The following STAT6 variants were observed in gnomAD, a reference collection of about 807,000 sequenced individuals.
STAT6 encodes the protein STAT, interleukin4-induced.
A neutral mutation model predicts 106.3 loss-of-function variants in STAT6; 45 were observed. The observed-to-expected ratio is 0.42, with a 90% CI of 0.33 to 0.54. The LOEUF (loss-of-function observed/expected upper bound fraction) is 0.54, where lower values mean the gene tolerates loss of function less well. Ranked by LOEUF, STAT6 falls within the 20% of genes least tolerant of loss-of-function variation. STAT6 has a pLI of 0.06. For missense variants in STAT6, 797 were observed against 1,062.2 expected, an observed-to-expected ratio of 0.75 and a Z score of 3.47; for synonymous variants, 413 against 413.6, an observed-to-expected ratio of 1.00 and a Z score of 0.02.
intron 7 of STAT6, 42 bp downstream of exon 7, chr12:57,106,149 A>AC: frequency 6.2e-7 from 1 of 1,609,972 alleles, no homozygotes; most frequent in African/African-American, 1.3e-5. Flanking sequence ...TCAGCTGCCC[A>AC]CCCCCAGCTT....
At chr12:57,102,644 G>A in intron 12 of STAT6, 148 bp from the exon 13 acceptor site, 1 of 998,960 alleles carries the variant, frequency 1.0e-6, no homozygotes, top group Non-Finnish European at 1.5e-6. Flanking sequence ...AGGTTACAGT[G>A]CTGTGGCCTG....
chr12:57,108,402 C>T (rs1307116066), intron 1 of STAT6, 103 bp from the exon 2 acceptor site: 4 of 651,286 alleles, frequency 6.1e-6, no homozygotes, highest in Non-Finnish European at 1.1e-5. Context: ...TAGGGACCGT[C>T]CCCACCACCA....
rs1258964591 is a variant in STAT6, at chr12:57,096,849, C to A, written c.2354+1G>T. ...GCCTCCACTCCCAAGCTGCCACTCACCAAGTGCCCTGAGGAAACGCTGTCA... is the reference window on the plus strand; with the variant it reads ...GCCTCCACTCCCAAGCTGCCACTCAACAAGTGCCCTGAGGAAACGCTGTCA... On this transcript the variant is annotated splice_donor_variant, in intron 21 of 21. Coordinates refer to ENST00000300134, the MANE Select transcript of STAT6 (RefSeq NM_003153.5). LOFTEE classifies it high-confidence loss of function. 1 of 1,614,170 alleles carries A rather than the reference C, an allele frequency of 6.2e-7. No individual in the cohort carries two copies. The highest frequency in any genetic ancestry group is 1.1e-5 in the South Asian group (1 of 91,086).
In STAT6 at chr12:57,099,595, C is replaced by T. The variant is rs1290785292; in HGVS notation, c.1745-155G>A. On this transcript the variant is annotated intron_variant, in intron 15 of 21. Coordinates refer to ENST00000300134, the MANE Select transcript of STAT6 (RefSeq NM_003153.5). The surrounding 1 kb of genome is among the most constrained non-coding windows in gnomAD (Gnocchi z 4.7). ...AGAGAGACCCACTAGTCTCCGTTCC[C>T]ACAGAGCTCACAGTGAGAAGGTGAA... Among the ~76,000 whole-genome samples the T allele has an allele frequency of 6.6e-6, 1 of 152,170 alleles. No individual in the cohort carries two copies. The highest frequency in any genetic ancestry group is 1.9e-4 in the East Asian group (1 of 5,194).
Position 57,099,196 on chromosome 12 carries a change from T to A in STAT6, c.1891+98A>T. On this transcript the variant is annotated intron_variant, in intron 16 of 21. Transcript: ENST00000300134. This position sits in a 1 kb window ranked among gnomAD's most constrained non-coding sequence, Gnocchi z 4.7. ...AGAAGCACAGCTATGAAATAGGGAG[T>A]GACATCAGGATGACACGCGGGCAGG... 1.3e-6 allele frequency: 2 copies of A among 1,594,708 alleles called. No homozygotes were observed. The highest frequency in any genetic ancestry group is 1.7e-6 in the Non-Finnish European group (2 of 1,164,654).
intron 7 of STAT6, 157 bp downstream of exon 7, chr12:57,106,034 C>T (rs535422649): frequency 1.7e-5 from 22 of 1,291,392 alleles, no homozygotes; most frequent in Admixed American, 1.0e-4. Flanking sequence ...GCGACCTGAA[C>T]GACAGTGTGC....
intron 1 of STAT6, among the ~76,000 whole-genome samples, chr12:57,109,043 A>G (rs2034440902): frequency 6.6e-6 from 1 of 152,094 alleles, no homozygotes; most frequent in African/African-American, 2.4e-5. Flanking sequence ...CTAAAAATAC[A>G]AAAACAAAAT....
chr12:57,101,386 C>CTT (rs60908631), intron 13 of STAT6, among the ~76,000 whole-genome samples: 6 of 120,786 alleles, frequency 5.0e-5, no homozygotes, highest in Admixed American at 8.6e-5. Context: ...CACACCTAGC[C>CTT]TTTTTTTTTT....
intron 19 of STAT6, 22 bp downstream of exon 19, chr12:57,098,482 TC>T: frequency 6.2e-7 from 1 of 1,608,526 alleles, no homozygotes; most frequent in South Asian, 1.1e-5. Flanking sequence ...TGGGATGGTA[TC>T]CCCATGAGGT....
At position 57,099,241 on chromosome 12, in the gene STAT6, G is replaced by A; in HGVS notation, c.1891+53C>T. On this transcript the variant is annotated intron_variant, in intron 16 of 21. Transcript: ENST00000300134. This position sits in a 1 kb window ranked among gnomAD's most constrained non-coding sequence, Gnocchi z 4.7. ...GGCAGGGAGAGGAGGGCAGCGGGGA[G>A]CAGGGAGGAAGTGGGTGACAGGAAG... 2 of 1,611,394 alleles carry A rather than the reference G, an allele frequency of 1.2e-6. No homozygotes were observed. The highest frequency in any genetic ancestry group is 1.7e-6 in the Non-Finnish European group (2 of 1,177,948).
At chr12:57,108,883 G>A (rs1490438081) in intron 1 of STAT6, among the ~76,000 whole-genome samples, 5 of 152,130 alleles carry the variant, frequency 3.3e-5, no homozygotes, top group African/African-American at 4.8e-5. Context: ...AAAATTCTAG[G>A]ACTCCATGAG....
chr12:57,099,119 G>T lies in STAT6; in HGVS notation c.1892-41C>A, dbSNP rs1346391943. 14 of 1,612,682 alleles carry T rather than the reference G, an allele frequency of 8.7e-6. No homozygotes were observed. The highest frequency in any genetic ancestry group is 1.2e-5 in the Non-Finnish European group (14 of 1,179,232). ...AAAGACAGCCATGGAGTGCTCTGGG[G>T]TTAGGGAGGAAGGGAGGTGGAAAAG... On this transcript the variant is annotated intron_variant, in intron 16 of 21. Coordinates refer to ENST00000300134, the MANE Select transcript of STAT6 (RefSeq NM_003153.5). This position sits in a 1 kb window ranked among gnomAD's most constrained non-coding sequence, Gnocchi z 4.7.
In STAT6 at chr12:57,102,507, G is replaced by C; in HGVS notation, c.1306-11C>G. On this transcript the variant is annotated splice_polypyrimidine_tract_variant and intron_variant, in intron 12 of 21. Transcript: ENST00000300134. ...AAAGGGCACGCGGTCCTGGGGAGAA[G>C]GGGGAAGAAGAGAGCACTGCAGGCT... 1 of 1,612,664 alleles carries C rather than the reference G, an allele frequency of 6.2e-7. No individual in the cohort carries two copies. The highest frequency in any genetic ancestry group is 1.3e-5 in the African/African-American group (1 of 74,992).
chr12:57,097,418 T>C, intron 19 of STAT6: 1 of 297,464 alleles, frequency 3.4e-6, no homozygotes, highest in Non-Finnish European at 6.2e-6. Context: ...AAGGGAGATG[T>C]TGTGTCTTGA....
Position 57,107,218 on chromosome 12 carries a change from A to G in STAT6, c.339+13T>C. On this transcript the variant is annotated intron_variant, in intron 4 of 21. Coordinates refer to ENST00000300134, the MANE Select transcript of STAT6 (RefSeq NM_003153.5). ...GGGATTGAGTTGGGGTGGGAGGTGG[A>G]ATATCACAATACCTGTTCCATAACA... 6.2e-7 allele frequency: 1 copy of G among 1,612,798 alleles called. No individual in the cohort carries two copies.
In STAT6 at chr12:57,108,605, G is replaced by C. The variant is rs77810451; in HGVS notation, c.-21-306C>G. 1.1e-4 allele frequency among the ~76,000 whole-genome samples: 17 copies of C among 152,316 alleles called. No individual in the cohort carries two copies. The East Asian group carries it at 2.7e-3, about 24-fold the overall frequency. On this transcript the variant is annotated intron_variant, in intron 1 of 21. Transcript: ENST00000300134. ...AGGATTTAGTTGCAGCTCTAGACCT[G>C]GCTCTGGTTCTGTGGGCAAAGAGCC...
Position 57,104,517 on chromosome 12 carries a change from G to A in STAT6, c.1159C>T (p.Leu387Phe). Reference sequence around the variant, plus strand: ...CCAAGTGTGAAGCTGGCAGAGAAGAGCACAGCGCACTTCTCCTCTGTGACA... The same window carrying A: ...CCAAGTGTGAAGCTGGCAGAGAAGAACACAGCGCACTTCTCCTCTGTGACA... ...ESVTEEKCAV[L>F]FSASFTLGPG... Residue 387 changes from leucine to phenylalanine, a missense_variant, in exon 11 of 22, where the codon CTC becomes TTC. Coordinates refer to ENST00000300134, the MANE Select transcript of STAT6 (RefSeq NM_003153.5). 1 of 1,613,506 alleles carries A rather than the reference G, an allele frequency of 6.2e-7. No homozygotes were observed. Among genetic ancestry groups the A allele is most frequent in the Non-Finnish European group, 8.5e-7 (1 of 1,179,824 alleles).
chr12:57,097,202 C>T (rs1374287654), intron 19 of STAT6, 69 bp from the exon 20 acceptor site: 2 of 1,318,378 alleles, frequency 1.5e-6, no homozygotes, highest in Non-Finnish European at 2.0e-6. Context: ...AAAGTCAGGA[C>T]CACTGAGTGA....
chr12:57,107,304 T>C lies in STAT6; in HGVS notation c.266A>G (p.Gln89Arg), dbSNP rs1483954081. The C allele has an allele frequency of 6.2e-7, 1 of 1,614,168 alleles. No individual in the cohort carries two copies. The stretch of plus-strand genomic sequence containing the variant: ...GGCCACCAGCTTCAGGGGGTCCCTC[T>C]GATATATGCTCTACAGAAATGAGGG... ...QHISTLESIY[Q>R]RDPLKLVATF... Residue 89 changes from glutamine to arginine, a missense_variant, in exon 4 of 22, where the codon CAG (glutamine) becomes CGG (arginine). Physicochemically the swap from Gln to Arg is conservative, Grantham distance 43 (BLOSUM62 1). This residue lies in a region of STAT6 where 336 missense variants were observed against 429.8 expected (regional missense o/e 0.78). Coordinates refer to ENST00000300134, the MANE Select transcript of STAT6 (RefSeq NM_003153.5).
Sources: allele counts gnomAD v4.1 joint callset (sites outside exome capture counted in the v4.1 genomes callset), GRCh38; gene constraint gnomAD v4.1.1; regional missense constraint gnomAD v4.1.1; non-coding constraint Gnocchi (gnomAD v3.1); transcripts MANE v1.5; gene names NCBI Gene and HGNC (gene_info 2026-07-23, HGNC 2026-07-21).